The following SPAG16 variants were observed in gnomAD, a reference collection of about 807,000 sequenced individuals.
The protein encoded by SPAG16 is sperm-associated antigen 16 protein.
A neutral mutation model predicts 80.4 loss-of-function variants in SPAG16; 86 were observed. That is an observed-to-expected ratio of 1.07 (90% CI 0.90 to 1.28). The LOEUF (loss-of-function observed/expected upper bound fraction) is 1.28. Ranked by LOEUF, SPAG16 falls within the 50% of genes most tolerant of loss-of-function variation. The probability of loss-of-function intolerance (pLI) is 0.00; values close to 1 mark genes in which losing one functional copy is unlikely to be tolerated. For missense variants in SPAG16, 870 were observed against 765.3 expected, an observed-to-expected ratio of 1.14 and a Z score of -1.61; for synonymous variants, 294 against 265.9, an observed-to-expected ratio of 1.11 and a Z score of -1.03.
intron 12 of SPAG16, among the ~76,000 whole-genome samples, chr2:213,954,385 G>A (rs2044012071): frequency 6.6e-6 from 1 of 151,848 alleles, no homozygotes; most frequent in African/African-American, 2.4e-5. Context: ...ATACTGTTGT[G>A]TCATATAGAT....
chr2:213,367,240 A>G (rs945269083), intron 8 of SPAG16, among the ~76,000 whole-genome samples: 2 of 7,336 alleles, frequency 2.7e-4, no homozygotes, highest in African/African-American at 3.0e-4. Context: ...TAGTGCCGCA[A>G]TAAACATAAT....
At chr2:214,226,928 G>C (rs1457159130) in intron 15 of SPAG16, among the ~76,000 whole-genome samples, 1 of 151,862 alleles carries the variant, frequency 6.6e-6, no homozygotes, top group East Asian at 1.9e-4. Context: ...ATTGACATCA[G>C]ACAACAGCTA....
At chr2:214,274,786 G>A (rs1360598794) in intron 15 of SPAG16, among the ~76,000 whole-genome samples, 1 of 152,138 alleles carries the variant, frequency 6.6e-6, no homozygotes, top group Non-Finnish European at 1.5e-5. Context: ...GCCAGTCTTT[G>A]GTATCAGAAT....
intron 9 of SPAG16, among the ~76,000 whole-genome samples, chr2:213,481,960 A>C (rs892230496): frequency 2.0e-5 from 3 of 152,238 alleles, no homozygotes; most frequent in Non-Finnish European, 4.4e-5. Context: ...ATAATTGGGA[A>C]TTACAGACAG....
At chr2:214,072,114 C>T (rs1184648064) in intron 13 of SPAG16, among the ~76,000 whole-genome samples, 1 of 152,026 alleles carries the variant, frequency 6.6e-6, no homozygotes, top group Non-Finnish European at 1.5e-5. Flanking sequence ...AAGATAAATA[C>T]ATGACCCTTA....
At chr2:213,790,489 G>T (rs1387299119) in intron 10 of SPAG16, among the ~76,000 whole-genome samples, 3 of 151,578 alleles carry the variant, frequency 2.0e-5, no homozygotes, top group Non-Finnish European at 4.4e-5. Context: ...AGGTTTAATG[G>T]ATTATTTTTC....
chr2:213,716,961 T>C (rs1274769401), intron 10 of SPAG16, among the ~76,000 whole-genome samples: 1 of 152,150 alleles, frequency 6.6e-6, no homozygotes, highest in Non-Finnish European at 1.5e-5. Flanking sequence ...CTTTGGTTCA[T>C]AGTTTGTGCT....
chr2:213,672,874 T>C (rs1170432892), intron 10 of SPAG16, among the ~76,000 whole-genome samples: 1 of 150,238 alleles, frequency 6.7e-6, no homozygotes, highest in Non-Finnish European at 1.5e-5. Context: ...TTTTTTTTTT[T>C]TTGAGACGGA....
chr2:213,465,490 A>G (rs1033920437), intron 9 of SPAG16, among the ~76,000 whole-genome samples: 1 of 152,136 alleles, frequency 6.6e-6, no homozygotes, highest in African/African-American at 2.4e-5. Context: ...CTATCTGTTC[A>G]CAGTCATGTT....
chr2:213,376,559 CTTG>C (rs1429349307), intron 9 of SPAG16, among the ~76,000 whole-genome samples: 14 of 151,904 alleles, frequency 9.2e-5, no homozygotes, highest in Non-Finnish European at 1.9e-4. Flanking sequence ...TCTTAATTTT[CTTG>C]TTGTTATTAT....
At chr2:213,433,079 A>G (rs2070402147) in intron 9 of SPAG16, among the ~76,000 whole-genome samples, 1 of 152,190 alleles carries the variant, frequency 6.6e-6, no homozygotes, top group South Asian at 2.1e-4. Context: ...CACCCTCACA[A>G]ACTAGTCATA....
chr2:214,345,257 A>G (rs762218487), intron 15 of SPAG16, among the ~76,000 whole-genome samples: 10 of 152,066 alleles, frequency 6.6e-5, no homozygotes, highest in Non-Finnish European at 1.0e-4. Flanking sequence ...TTGACTTGCC[A>G]TTTGCCTGGA....
chr2:213,448,396 A>T (rs1575613162), intron 9 of SPAG16, among the ~76,000 whole-genome samples: 1 of 152,234 alleles, frequency 6.6e-6, no homozygotes, highest in Admixed American at 6.5e-5. Flanking sequence ...GAGCTGATGC[A>T]TTAGATCAGG....
intron 3 of SPAG16, among the ~76,000 whole-genome samples, chr2:213,301,170 C>A (rs981182926): frequency 6.6e-6 from 1 of 152,080 alleles, no homozygotes; most frequent in Non-Finnish European, 1.5e-5. Flanking sequence ...CTTTTAGACT[C>A]AATTACTAGT....
chr2:213,408,421 C>T (rs1400087189), intron 9 of SPAG16, among the ~76,000 whole-genome samples: 1 of 152,082 alleles, frequency 6.6e-6, no homozygotes, highest in Non-Finnish European at 1.5e-5. Flanking sequence ...ATTCTGAGCA[C>T]AACTCACCAG....
At chr2:214,272,013 T>G (rs1692064591) in intron 15 of SPAG16, among the ~76,000 whole-genome samples, 1 of 152,152 alleles carries the variant, frequency 6.6e-6, no homozygotes, top group South Asian at 2.1e-4. Context: ...ATAATTCTTA[T>G]AAGGAAATTT....
intron 10 of SPAG16, among the ~76,000 whole-genome samples, chr2:213,721,378 C>T (rs74717134): frequency 0.057 from 8,644 of 152,130 alleles, 532 homozygotes; most frequent in African/African-American, 0.15. Flanking sequence ...AGATTACAGG[C>T]GTAAGCCACC....
chr2:214,193,429 GA>G (rs2057729008), intron 15 of SPAG16, among the ~76,000 whole-genome samples: 1 of 67,910 alleles, frequency 1.5e-5, no homozygotes, highest in Non-Finnish European at 3.5e-5. Flanking sequence ...GTGTGTATGA[GA>G]GAGAGAGAGA....
At chr2:213,736,961 C>T (rs1327823827) in intron 10 of SPAG16, among the ~76,000 whole-genome samples, 1 of 152,124 alleles carries the variant, frequency 6.6e-6, no homozygotes, top group African/African-American at 2.4e-5. Flanking sequence ...CCACCTCGGC[C>T]CCCCAAAGTG....
Sources: allele counts gnomAD v4.1 joint callset (sites outside exome capture counted in the v4.1 genomes callset), GRCh38; gene constraint gnomAD v4.1.1; transcripts MANE v1.5; gene names NCBI Gene and HGNC (gene_info 2026-07-23, HGNC 2026-07-21).